The following SLC7A1 variants were observed in gnomAD, a reference collection of about 807,000 sequenced individuals.
SLC7A1 encodes solute carrier family 7 member 1.
A neutral mutation model predicts 53.9 loss-of-function variants in SLC7A1; 10 were observed. The ratio of observed to expected loss-of-function variants is 0.19; its 90% confidence interval spans 0.11 to 0.31. The LOEUF (loss-of-function observed/expected upper bound fraction) is 0.31, where lower values mean the gene tolerates loss of function less well. Ranked by LOEUF, SLC7A1 falls within the 10% of genes least tolerant of loss-of-function variation. SLC7A1 has a pLI of 1.00. For missense variants in SLC7A1, 525 were observed against 827.2 expected (o/e 0.63, Z 4.48); for synonymous variants, 342 against 338.7 (o/e 1.01, Z -0.11).
At chr13:29,570,495 G>A (rs1037102267) in intron 1 of SLC7A1, among the ~76,000 whole-genome samples, 1 of 152,160 alleles carries the variant, frequency 6.6e-6, no homozygotes, top group African/African-American at 2.4e-5. Flanking sequence ...TGTTCCTCCT[G>A]TGAGGCTCAA....
chr13:29,560,907 A>G (rs967476552), intron 1 of SLC7A1, among the ~76,000 whole-genome samples: 1 of 152,238 alleles, frequency 6.6e-6, no homozygotes, highest in African/African-American at 2.4e-5. Flanking sequence ...TTATAAATCA[A>G]AAGGAGTCAG....
At chr13:29,578,607 A>T (rs1021663006) in intron 1 of SLC7A1, among the ~76,000 whole-genome samples, 18 of 152,210 alleles carry the variant, frequency 1.2e-4, no homozygotes, top group Admixed American at 1.1e-3. Context: ...GAGGAATGCA[A>T]ATCTGGCACA....
chr13:29,513,709 C>T lies in SLC7A1; in HGVS notation c.*771G>A, dbSNP rs1244904894. 1 of 152,890 alleles carries T rather than the reference C, an allele frequency of 6.5e-6. No individual in the cohort carries two copies. Among genetic ancestry groups the T allele is most frequent in the Non-Finnish European group, 1.5e-5 (1 of 68,294 alleles). The allele number at this position is 152,890 out of a possible 1,614,324, so 9.5% of individuals were successfully genotyped here. On this transcript the variant is annotated 3_prime_UTR_variant, in exon 13 of 13. Transcript: ENST00000380752. Reference sequence around the variant, plus strand: ...ACGGCAGGAGCAGCAAGAACTGGCCCAGGCCTGGAGGCCGTGAGCTGAAGG... The same window carrying T: ...ACGGCAGGAGCAGCAAGAACTGGCCTAGGCCTGGAGGCCGTGAGCTGAAGG...
intron 8 of SLC7A1, 67 bp from the exon 9 acceptor site, chr13:29,519,616 C>T (rs1458411813): frequency 3.1e-6 from 3 of 966,986 alleles, no homozygotes; most frequent in African/African-American, 3.2e-5. Flanking sequence ...AGGACCACCA[C>T]TGCCGCCCAC....
intron 2 of SLC7A1, among the ~76,000 whole-genome samples, chr13:29,538,253 G>A (rs1027239359): frequency 6.6e-6 from 1 of 152,178 alleles, no homozygotes; most frequent in African/African-American, 2.4e-5. Flanking sequence ...CAGGTAGGAA[G>A]GAAATGATAT....
intron 1 of SLC7A1, among the ~76,000 whole-genome samples, chr13:29,574,668 C>T (rs1004929437): frequency 1.1e-4 from 13 of 123,800 alleles, no homozygotes; most frequent in Middle Eastern, 4.9e-3. Flanking sequence ...TTTTTTGAGA[C>T]GGAGTCTTGC....
chr13:29,525,722 A>G (rs564296342), intron 5 of SLC7A1, among the ~76,000 whole-genome samples: 39 of 152,380 alleles, frequency 2.6e-4, no homozygotes, highest in Non-Finnish European at 5.9e-5. Flanking sequence ...AACAGTAACG[A>G]GAGGAAACCC....
chr13:29,521,956 C>T (rs566951957), intron 8 of SLC7A1, among the ~76,000 whole-genome samples: 6 of 152,292 alleles, frequency 3.9e-5, no homozygotes, highest in South Asian at 4.2e-4. Flanking sequence ...CAGGTACTGG[C>T]GAGGTCTCCC....
intron 3 of SLC7A1, 118 bp downstream of exon 3, chr13:29,535,701 T>A: frequency 1.0e-6 from 1 of 983,132 alleles, no homozygotes; most frequent in Non-Finnish European, 1.5e-6. Flanking sequence ...ATCCTATTAA[T>A]TCTGTGCCTC....
chr13:29,559,825 C>T (rs1001718744), intron 1 of SLC7A1, among the ~76,000 whole-genome samples: 7 of 151,956 alleles, frequency 4.6e-5, no homozygotes, highest in African/African-American at 1.5e-4. Flanking sequence ...ACGCCATTCT[C>T]CTGCCTCAGC....
rs1456485378 is a variant in SLC7A1 at position 29,524,250 on chromosome 13, G to A, written c.708C>T (p.Asp236=). ...CAACACCGGGCTTCCCTTCTTTTGT[G>A]TCACTAGAAAAAAGAGCCGCAAACA... ...NTSGRLCLNN[D]TKEGKPGVGG... Residue 236 remains aspartate, a synonymous_variant, in exon 6 of 13, where the codon GAC becomes GAT. Coordinates refer to ENST00000380752, the MANE Select transcript of SLC7A1 (RefSeq NM_003045.5). 5 of 1,614,144 alleles carry A rather than the reference G, an allele frequency of 3.1e-6. No individual in the cohort carries two copies. In the South Asian group the frequency reaches 4.4e-5, roughly 14 times the overall value.
At chr13:29,561,737 G>A (rs1159249969) in intron 1 of SLC7A1, among the ~76,000 whole-genome samples, 3 of 152,140 alleles carry the variant, frequency 2.0e-5, no homozygotes, top group Non-Finnish European at 2.9e-5. Context: ...AGGCATCACC[G>A]AAGAATCCAG....
chr13:29,568,431 C>A (rs999278620), intron 1 of SLC7A1, among the ~76,000 whole-genome samples: 1 of 152,244 alleles, frequency 6.6e-6, no homozygotes, highest in South Asian at 2.1e-4. Flanking sequence ...CGAGAGCCAA[C>A]TGTTTCCTGG....
chr13:29,526,611 G>A (rs902276190), intron 5 of SLC7A1, among the ~76,000 whole-genome samples: 1 of 152,194 alleles, frequency 6.6e-6, no homozygotes, highest in African/African-American at 2.4e-5. Flanking sequence ...CCATTTCAGG[G>A]CAAGTGGAAA....
chr13:29,559,754 C>T (rs1354357085), intron 1 of SLC7A1, among the ~76,000 whole-genome samples: 5 of 149,988 alleles, frequency 3.3e-5, no homozygotes, highest in African/African-American at 9.9e-5. Context: ...CTCGCTCTGT[C>T]GCTCAGGCTG....
At chr13:29,550,391 TAGAC>T (rs1307906732) in intron 2 of SLC7A1, among the ~76,000 whole-genome samples, 1 of 152,174 alleles carries the variant, frequency 6.6e-6, no homozygotes, top group Non-Finnish European at 1.5e-5. Context: ...CTTATAAAAA[TAGAC>T]AGCAGATGGA....
chr13:29,588,389 T>C (rs531111918), intron 1 of SLC7A1, among the ~76,000 whole-genome samples: 2 of 152,300 alleles, frequency 1.3e-5, no homozygotes, highest in South Asian at 2.1e-4. Context: ...TCTGTGTGCA[T>C]GTGAGTTTGT....
chr13:29,516,697 C>T (rs1019339943), intron 11 of SLC7A1, among the ~76,000 whole-genome samples: 16 of 152,198 alleles, frequency 1.1e-4, no homozygotes, highest in Admixed American at 5.9e-4. Flanking sequence ...CCCACCACCC[C>T]GGAGGGACTG....
At chr13:29,576,384 C>A (rs1388511660) in intron 1 of SLC7A1, among the ~76,000 whole-genome samples, 2 of 150,130 alleles carry the variant, frequency 1.3e-5, no homozygotes, top group African/African-American at 4.9e-5. Flanking sequence ...TAAGACTGAA[C>A]AATTTTCTAA....
Sources: gnomAD v4.1 joint callset for allele counts (sites outside exome capture counted in the v4.1 genomes callset) on GRCh38, gnomAD v4.1.1 for gene constraint, MANE v1.5 for transcripts, NCBI Gene and HGNC (gene_info 2026-07-23, HGNC 2026-07-21) for gene names.